The following KLF3 variants were observed in gnomAD, a reference collection of about 807,000 sequenced individuals.
KLF3 encodes Krueppel-like factor 3.
In KLF3, 6 loss-of-function variants were observed where a neutral mutation model predicts 32.7. The observed-to-expected ratio is 0.18, with a 90% confidence interval of 0.10 to 0.36. KLF3 has a LOEUF of 0.36. KLF3 is among the 10% of genes least tolerant of loss of function. KLF3 has a pLI of 1.00. For synonymous variants in KLF3, 145 were observed against 172.8 expected, an observed-to-expected ratio of 0.84 and a Z score of 1.26; for missense variants, 338 against 449.7, an observed-to-expected ratio of 0.75 and a Z score of 2.25.
chr4:38,681,239 T>C (rs1228960435), intron 2 of KLF3, among the ~76,000 whole-genome samples: 1 of 152,142 alleles, frequency 6.6e-6, no homozygotes, highest in African/African-American at 2.4e-5. Flanking sequence ...GCATAGAACT[T>C]AGGCCACAGG....
chr4:38,665,385 A>C (rs537502805), intron 1 of KLF3, among the ~76,000 whole-genome samples: 3 of 152,236 alleles, frequency 2.0e-5, no homozygotes, highest in Admixed American at 2.0e-4. Flanking sequence ...TAGAGATGGC[A>C]GATGAGATCT....
At chr4:38,684,137 A>G (rs1477720993) in intron 2 of KLF3, among the ~76,000 whole-genome samples, 1 of 152,174 alleles carries the variant, frequency 6.6e-6, no homozygotes, top group Non-Finnish European at 1.5e-5. Context: ...CTGTCTTATA[A>G]TGGAAAGCTC....
rs1199435632 is a variant in KLF3, at chr4:38,701,443, A to T, written c.*4180A>T. Among the ~76,000 whole-genome samples, 1 of 152,158 alleles carries T rather than the reference A, an allele frequency of 6.6e-6. No individual in the cohort carries two copies. Among genetic ancestry groups the T allele is most frequent in the Non-Finnish European group, 1.5e-5 (1 of 68,034 alleles). On this transcript the variant is annotated 3_prime_UTR_variant, in exon 6 of 6. Coordinates refer to ENST00000261438, the MANE Select transcript of KLF3 (RefSeq NM_016531.6). ...TAAACTTTTAGAGTAAAATATCAAG[A>T]CTCTCATGTTGGGGAGTGGGGAACG...
At chr4:38,672,067 G>GA (rs1312541351) in intron 1 of KLF3, among the ~76,000 whole-genome samples, 8 of 152,170 alleles carry the variant, frequency 5.3e-5, no homozygotes, top group Non-Finnish European at 1.2e-4. Context: ...GAGTACACAT[G>GA]ATGGGCCAGG....
At chr4:38,694,927 A>G in intron 5 of KLF3, 21 bp downstream of exon 5, 1 of 1,570,136 alleles carries the variant, frequency 6.4e-7, no homozygotes, top group Non-Finnish European at 8.6e-7. Context: ...CACCAGACCC[A>G]CTTCATCTTT....
chr4:38,677,153 G>C (rs1722380270), intron 1 of KLF3, among the ~76,000 whole-genome samples: 1 of 151,838 alleles, frequency 6.6e-6, no homozygotes, highest in South Asian at 2.1e-4. Flanking sequence ...GTAGAAACGG[G>C]GTTTCACCAC....
intron 1 of KLF3, among the ~76,000 whole-genome samples, chr4:38,678,394 A>G (rs13132853): frequency 0.22 from 33,601 of 152,046 alleles, 5,168 homozygotes; most frequent in Non-Finnish European, 0.34. Flanking sequence ...GAAATCATCT[A>G]TTTTTCACTG....
At chr4:38,694,683 G>A (rs1722997674) in intron 4 of KLF3, 63 bp from the exon 5 acceptor site, 1 of 1,393,830 alleles carries the variant, frequency 7.2e-7, no homozygotes, top group Non-Finnish European at 9.6e-7. Flanking sequence ...AATGCTTTTA[G>A]TAGACTGATG....
intron 4 of KLF3, among the ~76,000 whole-genome samples, chr4:38,691,809 G>A (rs573307773): frequency 8.5e-5 from 13 of 152,274 alleles, no homozygotes; most frequent in South Asian, 2.1e-4. Flanking sequence ...ATTAAGTAAC[G>A]TCTTGGAGTA....
chr4:38,699,502 G>A lies in KLF3; in HGVS notation c.*2239G>A, dbSNP rs1222588442. ...GTTTATGTGTGTTCCAATCCATAGA[G>A]AAGTGGGGGAAAGGGCGAGAAAGGA... On this transcript the variant is annotated 3_prime_UTR_variant, in exon 6 of 6. Coordinates refer to ENST00000261438, the MANE Select transcript of KLF3 (RefSeq NM_016531.6). 2.0e-5 allele frequency: 3 copies of A among 152,228 alleles called. No homozygotes were observed. Among genetic ancestry groups the A allele is most frequent in the Non-Finnish European group, 2.9e-5 (2 of 68,044 alleles). 9.4% of individuals were successfully genotyped at this position (152,228 alleles called of 1,614,324 possible). A position where few individuals can be genotyped will look rare whatever the true frequency, so the allele number is the denominator to read the frequency against.
intron 2 of KLF3, among the ~76,000 whole-genome samples, chr4:38,683,408 T>C (rs1255195130): frequency 6.6e-6 from 1 of 152,168 alleles, no homozygotes; most frequent in African/African-American, 2.4e-5. Context: ...CATACTGTTC[T>C]CCACTAGCCT....
intron 1 of KLF3, among the ~76,000 whole-genome samples, chr4:38,676,162 C>T (rs762180202): frequency 2.6e-5 from 4 of 152,044 alleles, no homozygotes; most frequent in South Asian, 4.1e-4. Flanking sequence ...TAAACTTGGC[C>T]GGGTGTAGTG....
rs545476622 is a variant in KLF3 at position 38,674,519 on chromosome 4, A to G, written c.-39-6068A>G. 3.9e-4 allele frequency among the ~76,000 whole-genome samples: 60 copies of G among 152,138 alleles called. No homozygotes were observed. Among genetic ancestry groups the G allele is most frequent in the African/African-American group, 1.4e-3 (57 of 41,508 alleles). On this transcript the variant is annotated intron_variant, in intron 1 of 5. Coordinates refer to ENST00000261438, the MANE Select transcript of KLF3 (RefSeq NM_016531.6). This position sits in a 1 kb window ranked among gnomAD's most constrained non-coding sequence, Gnocchi z 4.1. ...ACATGTTTTCTCTTTGAAAAATCCA[A>G]AAACTTAGAAGAGTTGAAAGGGAGG...
intron 4 of KLF3, among the ~76,000 whole-genome samples, chr4:38,693,350 TAA>T (rs3839135): frequency 2.0e-5 from 3 of 147,480 alleles, no homozygotes; most frequent in African/African-American, 5.0e-5. Flanking sequence ...ATGTTTTTTT[TAA>T]AAAAAAAAAG....
chr4:38,682,673 A>G (rs938753594), intron 2 of KLF3, among the ~76,000 whole-genome samples: 1 of 152,190 alleles, frequency 6.6e-6, no homozygotes, highest in Non-Finnish European at 1.5e-5. Context: ...TGTGATATAT[A>G]TAATTAAGTG....
chr4:38,682,613 C>T (rs1722563607), intron 2 of KLF3, among the ~76,000 whole-genome samples: 1 of 151,848 alleles, frequency 6.6e-6, no homozygotes, highest in African/African-American at 2.4e-5. Context: ...GAACATAAGG[C>T]TCAAGAGTCT....
intron 2 of KLF3, among the ~76,000 whole-genome samples, chr4:38,685,087 A>G (rs781731251): frequency 9.8e-5 from 15 of 152,312 alleles, no homozygotes; most frequent in East Asian, 7.7e-4. Context: ...CCGTGCTTGT[A>G]TGCATTGCTT....
chr4:38,668,590 C>A (rs1362471781), intron 1 of KLF3, among the ~76,000 whole-genome samples: 1 of 152,192 alleles, frequency 6.6e-6, no homozygotes, highest in African/African-American at 2.4e-5. Flanking sequence ...CCAATAACTT[C>A]TTTCTCCTTT....
At position 38,674,669 on chromosome 4, in the gene KLF3, A is replaced by AT. The variant is rs1722288433; in HGVS notation, c.-39-5918_-39-5917insT. On this transcript the variant is annotated intron_variant, in intron 1 of 5. Transcript: ENST00000261438. The surrounding 1 kb of genome is among the most constrained non-coding windows in gnomAD (Gnocchi z 4.1). ...GGGTCAGTCCTGGGTTGGGGAAGATAATGCAGGCACCCTTTGAGGATCTGT... is the reference window on the plus strand; with the variant it reads ...GGGTCAGTCCTGGGTTGGGGAAGATATATGCAGGCACCCTTTGAGGATCTGT... Among the ~76,000 whole-genome samples the AT allele has an allele frequency of 1.3e-5, 2 of 151,988 alleles. No homozygotes were observed. The highest frequency in any genetic ancestry group is 2.9e-5 in the Non-Finnish European group (2 of 67,996).
Sources: gnomAD v4.1 joint callset for allele counts (sites outside exome capture counted in the v4.1 genomes callset) on GRCh38, gnomAD v4.1.1 for gene constraint, Gnocchi (gnomAD v3.1) non-coding constraint, MANE v1.5 for transcripts, NCBI Gene and HGNC (gene_info 2026-07-23, HGNC 2026-07-21) for gene names.